SMYD4: variants seen among roughly 807,000 people sequenced by gnomAD.
SMYD4 encodes the protein protein-lysine N-methyltransferase SMYD4.
Under a neutral mutation model 72.8 loss-of-function variants are expected in SMYD4, and 68 were observed. The observed-to-expected ratio is 0.93, with a 90% CI of 0.77 to 1.14. The LOEUF (loss-of-function observed/expected upper bound fraction) is 1.14. Among genes scored for constraint, SMYD4 ranks in the 50% most tolerant of loss-of-function variants. The pLI is 0.00. For missense variants in SMYD4, 984 were observed against 1,003.7 expected, an observed-to-expected ratio of 0.98 and a Z score of 0.27; for synonymous variants, 407 against 388.6, an observed-to-expected ratio of 1.05 and a Z score of -0.56.
At chr17:1,797,451 G>A (rs774024506) in intron 5 of SMYD4, among the ~76,000 whole-genome samples, 20 of 152,134 alleles carry the variant, frequency 1.3e-4, no homozygotes, top group Admixed American at 5.9e-4. Flanking sequence ...CATGATTCTC[G>A]GCACATCCAA....
chr17:1,803,546 C>CA (rs1909878706), intron 4 of SMYD4, among the ~76,000 whole-genome samples: 1 of 152,190 alleles, frequency 6.6e-6, no homozygotes, highest in Non-Finnish European at 1.5e-5. Flanking sequence ...AGCTGGAGTG[C>CA]AGTGGCACGA....
At chr17:1,811,492 C>T (rs1051539557) in intron 3 of SMYD4, among the ~76,000 whole-genome samples, 2 of 152,236 alleles carry the variant, frequency 1.3e-5, no homozygotes, top group Non-Finnish European at 2.9e-5. Flanking sequence ...CTAAAAACTA[C>T]CTTTTGTTTC....
intron 6 of SMYD4, 25 bp from the exon 7 acceptor site, chr17:1,786,998 A>G: frequency 6.4e-7 from 1 of 1,553,374 alleles, no homozygotes; most frequent in South Asian, 1.1e-5. Flanking sequence ...CCGTCAGCCA[A>G]TATTGAAAGC....
intron 5 of SMYD4, among the ~76,000 whole-genome samples, chr17:1,791,215 A>G (rs57009453): frequency 0.019 from 2,874 of 151,654 alleles, 112 homozygotes; most frequent in African/African-American, 0.066. Flanking sequence ...CAGAACCCCA[A>G]TAAAATCTTG....
At chr17:1,799,654 G>T (rs994274885) in intron 5 of SMYD4, among the ~76,000 whole-genome samples, 1 of 152,114 alleles carries the variant, frequency 6.6e-6, no homozygotes, top group Non-Finnish European at 1.5e-5. Context: ...GATTATAGGA[G>T]TGGGCCACCA....
At position 1,781,151 on chromosome 17, in the gene SMYD4, C is replaced by A; in HGVS notation, c.*135G>T. ...GGCCAGGCTGGTCTTGAACTCCTGA[C>A]ATCAGGTGATCCGCCCACCTTAGCC... On this transcript the variant is annotated 3_prime_UTR_variant, in exon 11 of 11. Coordinates refer to ENST00000305513, the MANE Select transcript of SMYD4 (RefSeq NM_052928.3). 1 of 1,121,246 alleles carries A rather than the reference C, an allele frequency of 8.9e-7. No individual in the cohort carries two copies. Among genetic ancestry groups the A allele is most frequent in the Non-Finnish European group, 1.2e-6 (1 of 802,034 alleles). 69.5% of individuals were successfully genotyped at this position (1,121,246 alleles called of 1,614,324 possible).
chr17:1,823,081 G>C (rs1910972022), intron 2 of SMYD4, among the ~76,000 whole-genome samples: 1 of 151,774 alleles, frequency 6.6e-6, no homozygotes, highest in Non-Finnish European at 1.5e-5. Flanking sequence ...TATAGAACTT[G>C]AGAAGCTGGC....
At chr17:1,790,119 A>G (rs1465062997) in intron 5 of SMYD4, among the ~76,000 whole-genome samples, 4 of 152,216 alleles carry the variant, frequency 2.6e-5, no homozygotes, top group African/African-American at 4.8e-5. Context: ...CAGCCTCTGC[A>G]TAATTAAAAG....
chr17:1,783,212 G>A (rs1329495289), intron 9 of SMYD4, 54 bp from the exon 10 acceptor site: 2 of 1,613,060 alleles, frequency 1.2e-6, no homozygotes, highest in Non-Finnish European at 1.7e-6. Context: ...AACTGTGGAT[G>A]CATATTTTCA....
At chr17:1,796,925 A>G (rs1209437270) in intron 5 of SMYD4, among the ~76,000 whole-genome samples, 1 of 152,240 alleles carries the variant, frequency 6.6e-6, no homozygotes. Context: ...TTTAGATGGT[A>G]GCAAAGGCAC....
rs116426634 is a variant in SMYD4 at position 1,819,001 on chromosome 17, C to A, written c.135-6886G>T. Reference sequence around the variant, plus strand: ...TTTTAAAGATTCAACACCAGAAAAACGTTTCACATTCTGGTTTCGCTTCAT... The same window carrying A: ...TTTTAAAGATTCAACACCAGAAAAAAGTTTCACATTCTGGTTTCGCTTCAT... On this transcript the variant is annotated intron_variant, in intron 2 of 10. Coordinates refer to ENST00000305513, the MANE Select transcript of SMYD4 (RefSeq NM_052928.3). Among the ~76,000 whole-genome samples, 5 of 151,848 alleles carry A rather than the reference C, an allele frequency of 3.3e-5. 1 individual carries two copies. The South Asian group carries it at 1.0e-3, about 32-fold the overall frequency.
At position 1,829,782 on chromosome 17, in the gene SMYD4, C is replaced by G. The variant is rs1202357761; in HGVS notation, c.-69G>C. The stretch of plus-strand genomic sequence containing the variant: ...GCCTCGAGAACCGCTCAGACGCGCC[C>G]GGAACTGCGCCCTGGTCTCCCTCCC... On this transcript the variant is annotated 5_prime_UTR_variant, in exon 1 of 11. Transcript: ENST00000305513. 4.0e-5 allele frequency: 9 copies of G among 227,158 alleles called. No homozygotes were observed. Among genetic ancestry groups the G allele is most frequent in the Non-Finnish European group, 6.8e-5 (8 of 118,032 alleles). 14.1% of individuals were successfully genotyped at this position (227,158 alleles called of 1,614,324 possible).
intron 2 of SMYD4, among the ~76,000 whole-genome samples, chr17:1,827,026 G>A (rs1015562516): frequency 2.0e-5 from 3 of 152,004 alleles, no homozygotes; most frequent in African/African-American, 7.2e-5. Flanking sequence ...GATGGTGTAC[G>A]CCTGTAATCC....
In SMYD4 at chr17:1,791,516, A is replaced by C. The variant is rs577875283; in HGVS notation, c.1538-3912T>G. 3.3e-5 allele frequency among the ~76,000 whole-genome samples: 5 copies of C among 152,296 alleles called. No homozygotes were observed. The East Asian group carries it at 9.6e-4, about 29-fold the overall frequency. ...AGAACACTAAATTGAGAGGGATTGG[A>C]ACCCCAAAGAAATAATAAAAAGGGA... is the stretch of plus-strand genomic sequence containing the variant. On this transcript the variant is annotated intron_variant, in intron 5 of 10. Coordinates refer to ENST00000305513, the MANE Select transcript of SMYD4 (RefSeq NM_052928.3).
At chr17:1,795,405 C>CTCTATCTATCTATCTATCTA (rs6145948) in intron 5 of SMYD4, among the ~76,000 whole-genome samples, 1 of 148,830 alleles carries the variant, frequency 6.7e-6, no homozygotes, top group Admixed American at 6.8e-5. Flanking sequence ...ACGATCTCAG[C>CTCTATCTATCTATCTATCTA]TCTATCTATC....
intron 7 of SMYD4, among the ~76,000 whole-genome samples, chr17:1,784,822 T>G (rs1017876435): frequency 3.3e-5 from 5 of 151,898 alleles, no homozygotes; most frequent in East Asian, 1.9e-4. Flanking sequence ...CAGGCTGGAG[T>G]GCAGTGGTGC....
At chr17:1,816,617 C>T (rs939326783) in intron 2 of SMYD4, among the ~76,000 whole-genome samples, 2 of 149,572 alleles carry the variant, frequency 1.3e-5, no homozygotes, top group African/African-American at 4.9e-5. Context: ...GAGACTCTGT[C>T]TCAAAAAAAA....
chr17:1,799,628 C>T (rs1909597917), intron 5 of SMYD4, among the ~76,000 whole-genome samples: 1 of 152,026 alleles, frequency 6.6e-6, no homozygotes, highest in East Asian at 1.9e-4. Flanking sequence ...CTCACCTCGG[C>T]CTCCCAAAGT....
rs138685801 is a variant in SMYD4, at chr17:1,812,536, G to A, written c.135-421C>T. The stretch of plus-strand genomic sequence containing the variant: ...TTGAACTCCTGGGCTCAAATGATCA[G>A]CAGAATTTCTTTTTTTTTTTTTTTT... On this transcript the variant is annotated intron_variant, in intron 2 of 10. Transcript: ENST00000305513. 7.5e-5 allele frequency among the ~76,000 whole-genome samples: 10 copies of A among 134,148 alleles called. No individual in the cohort carries two copies. In the East Asian group the frequency reaches 2.3e-3, roughly 31 times the overall value. 88.0% of individuals were successfully genotyped at this position (134,148 alleles called of 152,430 possible). A position where few individuals can be genotyped will look rare whatever the true frequency, so the allele number is the denominator to read the frequency against.
Sources: gnomAD v4.1 joint callset for allele counts (sites outside exome capture counted in the v4.1 genomes callset) on GRCh38, gnomAD v4.1.1 for gene constraint, MANE v1.5 for transcripts, NCBI Gene and HGNC (gene_info 2026-07-23, HGNC 2026-07-21) for gene names.